ATAD2B: variants seen among roughly 807,000 people sequenced by gnomAD.
ATAD2B encodes ATPase family AAA domain-containing protein 2B.
Under a neutral mutation model 167.6 loss-of-function variants are expected in ATAD2B, and 40 were observed. The observed-to-expected ratio is 0.24, with a 90% confidence interval of 0.19 to 0.31. ATAD2B has a LOEUF of 0.31. Among genes scored for constraint, ATAD2B ranks in the 10% least tolerant of loss-of-function variants. The pLI is 1.00. For synonymous variants in ATAD2B, 579 were observed against 596.5 expected (o/e 0.97, Z 0.43); for missense variants, 1,242 against 1,757.2 (o/e 0.71, Z 5.24).
Position 23,749,620 on chromosome 2 carries a change from T to G in ATAD2B, c.*2426A>C, listed in dbSNP as rs1675140859. The G allele has an allele frequency of 6.6e-6, 1 of 152,118 alleles. No homozygotes were observed. 9.4% of individuals were successfully genotyped at this position (152,118 alleles called of 1,614,324 possible). The stretch of plus-strand genomic sequence containing the variant: ...CAATTTCAGCTCATTGTTCTCCCCT[T>G]GGCATTAGATTGACTTTCTCTTTAA... On this transcript the variant is annotated 3_prime_UTR_variant, in exon 28 of 28. Transcript: ENST00000238789.
intron 6 of ATAD2B, among the ~76,000 whole-genome samples, chr2:23,882,047 T>TAATAA (rs1697986899): frequency 6.6e-6 from 1 of 151,858 alleles, no homozygotes; most frequent in Non-Finnish European, 1.5e-5. Flanking sequence ...GCAATAGCTA[T>TAATAA]AACATCTAAG....
chr2:23,683,527 G>T, the ATAD2B span, among the ~76,000 whole-genome samples: 4,975 of 152,322 alleles, frequency 0.033, 102 homozygotes, highest in South Asian at 0.086. Context: ...TCTAAGCCTT[G>T]GGGTGGGTCT....
At chr2:23,828,335 A>C (rs1389659992) in intron 15 of ATAD2B, among the ~76,000 whole-genome samples, 1 of 152,200 alleles carries the variant, frequency 6.6e-6, no homozygotes, top group African/African-American at 2.4e-5. Flanking sequence ...TGAAAAATTT[A>C]AAGTTAAACT....
chr2:23,919,106 G>C (rs1381919551), intron 1 of ATAD2B, among the ~76,000 whole-genome samples: 1 of 152,110 alleles, frequency 6.6e-6, no homozygotes, highest in Non-Finnish European at 1.5e-5. Flanking sequence ...ACTTTGGAAG[G>C]CCAAGGTGGG....
At chr2:23,889,875 C>T (rs902017844) in intron 2 of ATAD2B, among the ~76,000 whole-genome samples, 2 of 151,226 alleles carry the variant, frequency 1.3e-5, no homozygotes, top group African/African-American at 2.4e-5. Context: ...GTGGACATCA[C>T]ATCACTGCAC....
intron 13 of ATAD2B, among the ~76,000 whole-genome samples, chr2:23,836,584 C>T (rs1030256698): frequency 6.6e-6 from 1 of 152,116 alleles, no homozygotes; most frequent in Admixed American, 6.5e-5. Context: ...GTGAGCAAGG[C>T]GAAGAAGAGC....
At chr2:23,807,743 G>A (rs1344569232) in intron 18 of ATAD2B, among the ~76,000 whole-genome samples, 2 of 149,626 alleles carry the variant, frequency 1.3e-5, no homozygotes, top group Non-Finnish European at 1.5e-5. Flanking sequence ...TTGAACCCAG[G>A]AGGCGGAGGT....
the ATAD2B span, among the ~76,000 whole-genome samples, chr2:23,741,879 A>G: frequency 6.6e-6 from 1 of 152,238 alleles, no homozygotes; most frequent in Non-Finnish European, 1.5e-5. Context: ...CAACCTCATC[A>G]AAAAGTGGGC....
intron 18 of ATAD2B, among the ~76,000 whole-genome samples, chr2:23,807,759 T>A (rs1289586496): frequency 6.8e-6 from 1 of 147,144 alleles, no homozygotes; most frequent in East Asian, 2.0e-4. Context: ...GAGGTTGCAG[T>A]GAGCTGAGAT....
chr2:23,829,651 A>C (rs931501435), intron 14 of ATAD2B, among the ~76,000 whole-genome samples: 3 of 152,148 alleles, frequency 2.0e-5, no homozygotes, highest in Admixed American at 6.6e-5. Flanking sequence ...GGTACTCAGG[A>C]AGCTGAGGTG....
the ATAD2B span, chr2:23,691,558 C>T: frequency 1.3e-6 from 1 of 791,834 alleles, no homozygotes; most frequent in Non-Finnish European, 2.1e-6. Flanking sequence ...TTGCCGTGTC[C>T]TTTGAGCCCT....
chr2:23,868,068 A>T (rs369813328), intron 9 of ATAD2B, 122 bp from the exon 10 acceptor site: 35 of 665,780 alleles, frequency 5.3e-5, no homozygotes, highest in East Asian at 4.6e-4. Flanking sequence ...CCAGAAAATA[A>T]TATCAAAGGA....
Position 23,753,925 on chromosome 2 carries a change from C to T in ATAD2B, c.4335+254G>A, listed in dbSNP as rs866325820. Among the ~76,000 whole-genome samples the T allele has an allele frequency of 1.1e-4, 17 of 152,098 alleles. No individual in the cohort carries two copies. The Middle Eastern group carries it at 0.01, about 91-fold the overall frequency. On this transcript the variant is annotated intron_variant, in intron 27 of 27. Transcript: ENST00000238789. ...ACATACTATTTCTGTATATTTACCACCCTAGAACCATGGATTTCTGTGTTT... is the reference window on the plus strand; with the variant it reads ...ACATACTATTTCTGTATATTTACCATCCTAGAACCATGGATTTCTGTGTTT...
At chr2:23,899,985 C>A (rs1700619868) in intron 1 of ATAD2B, among the ~76,000 whole-genome samples, 1 of 126,028 alleles carries the variant, frequency 7.9e-6, no homozygotes. Context: ...GTACAGTGGT[C>A]TCGGCTCACT....
downstream of ATAD2B, among the ~76,000 whole-genome samples, chr2:23,746,808 TAAC>T (rs1156471035): frequency 6.6e-6 from 1 of 152,142 alleles, no homozygotes; most frequent in Non-Finnish European, 1.5e-5. Flanking sequence ...AAATTTTTAA[TAAC>T]AAAATGCTTC....
intron 1 of ATAD2B, among the ~76,000 whole-genome samples, chr2:23,922,913 G>A (rs980595953): frequency 2.6e-5 from 4 of 152,112 alleles, no homozygotes; most frequent in African/African-American, 7.2e-5. Context: ...CAGTAGAAAT[G>A]CAAAATGGTG....
the ATAD2B span, among the ~76,000 whole-genome samples, chr2:23,742,041 A>G: frequency 6.6e-6 from 1 of 152,216 alleles, no homozygotes; most frequent in Non-Finnish European, 1.5e-5. Context: ...AATCATTAAA[A>G]AGTCAGGAAA....
chr2:23,733,814 G>C, the ATAD2B span, among the ~76,000 whole-genome samples: 7 of 151,950 alleles, frequency 4.6e-5, no homozygotes, highest in African/African-American at 1.7e-4. Flanking sequence ...ACCTTCCCCA[G>C]TCCCGGCCTA....
rs537104588 is a variant in ATAD2B at position 23,831,520 on chromosome 2, G to A, written c.1728+2399C>T. Reference sequence around the variant, plus strand: ...ACTACCCTTAATACTTCCCTAGGCCGTTCATTATGCCTTTCTCCTAGCAGA... The same window carrying A: ...ACTACCCTTAATACTTCCCTAGGCCATTCATTATGCCTTTCTCCTAGCAGA... On this transcript the variant is annotated intron_variant, in intron 14 of 27. Transcript: ENST00000238789. Among the ~76,000 whole-genome samples the A allele has an allele frequency of 4.0e-4, 61 of 152,030 alleles. 1 individual carries two copies. Among genetic ancestry groups the A allele is most frequent in the Non-Finnish European group, 1.6e-4 (11 of 68,010 alleles).
Sources: allele counts gnomAD v4.1 joint callset (sites outside exome capture counted in the v4.1 genomes callset), GRCh38; gene constraint gnomAD v4.1.1; transcripts MANE v1.5; gene names NCBI Gene and HGNC (gene_info 2026-07-23, HGNC 2026-07-21).